The following SLC12A6 variants were observed in gnomAD, a reference collection of about 807,000 sequenced individuals.
SLC12A6 encodes the protein solute carrier family 12 member 6, also known as K-Cl cotransporter 3.
SLC12A6 carries 66 observed loss-of-function variants against 135.3 expected under a neutral mutation model. That is an observed-to-expected ratio of 0.49 (90% CI 0.40 to 0.60). The LOEUF (loss-of-function observed/expected upper bound fraction) is 0.60. SLC12A6 is among the 20% of genes least tolerant of loss of function. The probability of loss-of-function intolerance (pLI) is 0.00; values close to 1 mark genes in which losing one functional copy is unlikely to be tolerated. For synonymous variants in SLC12A6, 513 were observed against 508.8 expected (o/e 1.01, Z -0.11); for missense variants, 1,058 against 1,452.3 (o/e 0.73, Z 4.41).
At chr15:34,307,883 G>C (rs1188019882) in intron 2 of SLC12A6, among the ~76,000 whole-genome samples, 2 of 152,110 alleles carry the variant, frequency 1.3e-5, no homozygotes, top group Non-Finnish European at 2.9e-5. Flanking sequence ...AGAATCTTCT[G>C]TCACAAAAGG....
At chr15:34,264,475 T>C (rs1893360017) in intron 3 of SLC12A6, among the ~76,000 whole-genome samples, 1 of 152,176 alleles carries the variant, frequency 6.6e-6, no homozygotes, top group South Asian at 2.1e-4. Context: ...GTGAGAAATT[T>C]TACAAGATGA....
chr15:34,234,792 T>C (rs1406376219), intron 25 of SLC12A6, among the ~76,000 whole-genome samples: 1 of 152,166 alleles, frequency 6.6e-6, no homozygotes, highest in Non-Finnish European at 1.5e-5. Context: ...CCTATCTCTT[T>C]TTTCCCCTCA....
At chr15:34,272,620 G>A (rs1227006125) in intron 3 of SLC12A6, among the ~76,000 whole-genome samples, 1 of 152,154 alleles carries the variant, frequency 6.6e-6, no homozygotes, top group African/African-American at 2.4e-5. Context: ...TGCCAAATGA[G>A]ATTAATGTTT....
At chr15:34,301,957 T>C (rs1195820288) in intron 2 of SLC12A6, among the ~76,000 whole-genome samples, 1 of 152,216 alleles carries the variant, frequency 6.6e-6, no homozygotes, top group Non-Finnish European at 1.5e-5. Context: ...ACTTTTTGTT[T>C]GAGCTCAGAT....
intron 2 of SLC12A6, among the ~76,000 whole-genome samples, chr15:34,332,424 A>G (rs1889910828): frequency 6.6e-6 from 1 of 152,228 alleles, no homozygotes; most frequent in Admixed American, 6.5e-5. Context: ...TACAATTAAT[A>G]CCAGACTGCC....
chr15:34,229,868 A>G lies in SLC12A6; in HGVS notation c.*4013T>C. 1 of 1,274,488 alleles carries G rather than the reference A, an allele frequency of 7.8e-7. No individual in the cohort carries two copies. The highest frequency in any genetic ancestry group is 1.1e-6 in the Non-Finnish European group (1 of 871,552). The allele number at this position is 1,274,488 out of a possible 1,614,324, so 78.9% of individuals were successfully genotyped here. On this transcript the variant is annotated 3_prime_UTR_variant, in exon 26 of 26. Coordinates refer to ENST00000354181, the MANE Select transcript of SLC12A6 (RefSeq NM_001365088.1). ...TTTAAGCCCAGTGGCTCCTCAGCAT[A>G]CTCTTAAACTAATCACTTATGTTAA... is the stretch of plus-strand genomic sequence containing the variant.
intron 2 of SLC12A6, among the ~76,000 whole-genome samples, chr15:34,281,151 C>T (rs879613129): frequency 3.8e-4 from 58 of 152,066 alleles, no homozygotes; most frequent in Admixed American, 2.4e-3. Context: ...AGGATGACTA[C>T]GGTTAACAAT....
chr15:34,260,171 A>G (rs1198731419), intron 4 of SLC12A6, among the ~76,000 whole-genome samples: 1 of 152,234 alleles, frequency 6.6e-6, no homozygotes, highest in Admixed American at 6.5e-5. Flanking sequence ...AAATATCAAA[A>G]TATCACATTG....
At chr15:34,293,944 T>C (rs925443345) in intron 2 of SLC12A6, among the ~76,000 whole-genome samples, 9 of 152,102 alleles carry the variant, frequency 5.9e-5, no homozygotes, top group African/African-American at 2.2e-4. Context: ...AAATAGAGAA[T>C]CACACACACA....
intron 2 of SLC12A6, among the ~76,000 whole-genome samples, chr15:34,312,718 GT>G (rs968051716): frequency 6.6e-6 from 1 of 152,156 alleles, no homozygotes; most frequent in African/African-American, 2.4e-5. Flanking sequence ...ATACTTTGGG[GT>G]TTTTTGTTTG....
chr15:34,316,984 T>C (rs1165953187), intron 2 of SLC12A6, among the ~76,000 whole-genome samples: 2 of 152,180 alleles, frequency 1.3e-5, no homozygotes, highest in Non-Finnish European at 2.9e-5. Context: ...AAGGTGCAGC[T>C]TCAAATACAC....
chr15:34,258,373 T>C (rs1892896239), intron 5 of SLC12A6, among the ~76,000 whole-genome samples: 1 of 152,216 alleles, frequency 6.6e-6, no homozygotes, highest in Non-Finnish European at 1.5e-5. Context: ...CACTCTTCTC[T>C]TGAAAAGCTA....
intron 22 of SLC12A6, 37 bp downstream of exon 22, chr15:34,237,382 G>GA (rs774619262): frequency 6.3e-5 from 100 of 1,592,696 alleles, no homozygotes; most frequent in Middle Eastern, 1.7e-4. Context: ...AGGAATGGGG[G>GA]AATGAACCTC....
chr15:34,279,945 A>G (rs1894562187), intron 2 of SLC12A6, among the ~76,000 whole-genome samples: 1 of 152,250 alleles, frequency 6.6e-6, no homozygotes, highest in Admixed American at 6.5e-5. Context: ...CTTGCTCAAT[A>G]TATTTAACTT....
Position 34,250,880 on chromosome 15 carries a change from C to T in SLC12A6, c.1492+19G>A, listed in dbSNP as rs758027012. The stretch of plus-strand genomic sequence containing the variant: ...TGGGTCTGACAGCTTCTAAAATATA[C>T]AACAGCCTATGTGTTTACCTGTAAC... On this transcript the variant is annotated intron_variant, in intron 11 of 25. Transcript: ENST00000354181. 2.7e-5 allele frequency: 44 copies of T among 1,600,204 alleles called. 1 individual carries two copies. The South Asian group carries it at 2.8e-4, about 10-fold the overall frequency.
intron 2 of SLC12A6, among the ~76,000 whole-genome samples, chr15:34,301,384 G>A (rs1340706660): frequency 6.6e-6 from 1 of 152,176 alleles, no homozygotes; most frequent in Non-Finnish European, 1.5e-5. Context: ...AAGAGCTGAA[G>A]ACAGAAGGAT....
intron 2 of SLC12A6, among the ~76,000 whole-genome samples, chr15:34,281,866 C>A (rs1369076099): frequency 6.6e-6 from 1 of 151,986 alleles, no homozygotes; most frequent in Non-Finnish European, 1.5e-5. Context: ...CAATGTAAAC[C>A]AGTGCATACA....
At position 34,254,360 on chromosome 15, in the gene SLC12A6, G is replaced by A. The variant is rs1892600620; in HGVS notation, c.1106C>T (p.Pro369Leu). The A allele has an allele frequency of 6.2e-7, 1 of 1,613,686 alleles. No individual in the cohort carries two copies. The change falls in exon 9 of 26, where the codon CCT becomes CTT. Residue 369 changes from proline (P) to leucine (L), a missense_variant. Transcript: ENST00000354181. ...GACAGACACGTACGGGAAGTGTGGA[G>A]GAGCAAAAGAAGACTTGATGGCTCC... ...YAGAIKSSFA[P>L]PHFPVCMLGN...
Position 34,235,309 on chromosome 15 carries a change from T to G in SLC12A6, c.3233A>C (p.Gln1078Pro), listed in dbSNP as rs1256888994. Reference sequence around the variant, plus strand: ...TGTATGCATCCGCCTCACATTGGACTGGTCCCTGAGTGGGGAAGAAATAAA... The same window carrying G: ...TGTATGCATCCGCCTCACATTGGACGGGTCCCTGAGTGGGGAAGAAATAAA... ...FQDLLNMRPD[Q>P]SNVRRMHTAV... is the part of the protein sequence containing the mutation. Residue 1078 changes from glutamine to proline, a missense_variant, in exon 25 of 26, where the codon CAG (glutamine) becomes CCG (proline). Gln to Pro is a moderately conservative substitution (Grantham distance 76). Transcript: ENST00000354181. The G allele has an allele frequency of 6.2e-7, 1 of 1,613,132 alleles. No individual in the cohort carries two copies. The highest frequency in any genetic ancestry group is 8.5e-7 in the Non-Finnish European group (1 of 1,179,084).
Sources: allele counts gnomAD v4.1 joint callset (sites outside exome capture counted in the v4.1 genomes callset), GRCh38; gene constraint gnomAD v4.1.1; transcripts MANE v1.5; gene names NCBI Gene and HGNC (gene_info 2026-07-23, HGNC 2026-07-21).